The following MPDZ variants were observed in gnomAD, a reference collection of about 807,000 sequenced individuals.
The protein encoded by MPDZ is multiple PDZ domain crumbs cell polarity complex component.
Under a neutral mutation model 239.1 loss-of-function variants are expected in MPDZ, and 234 were observed. The ratio of observed to expected loss-of-function variants is 0.98; its 90% CI spans 0.88 to 1.09. The LOEUF is 1.09. Among genes scored for constraint, MPDZ ranks in the 50% least tolerant of loss-of-function variants. The pLI is 0.00. For missense variants in MPDZ, 3,175 were observed against 2,510.0 expected (o/e 1.26, Z -5.66); for synonymous variants, 1,048 against 881.3 (o/e 1.19, Z -3.35).
At chr9:13,249,415 T>C (rs932553187) in intron 2 of MPDZ, among the ~76,000 whole-genome samples, 2 of 152,166 alleles carry the variant, frequency 1.3e-5, no homozygotes, top group African/African-American at 4.8e-5. Context: ...CATGTGGGTT[T>C]AGTATAAAAT....
intron 41 of MPDZ, among the ~76,000 whole-genome samples, chr9:13,113,389 TA>T (rs1162743235): frequency 6.6e-6 from 1 of 152,230 alleles, no homozygotes; most frequent in East Asian, 1.9e-4. Flanking sequence ...ATGGATGCAT[TA>T]AAAAAATTCA....
chr9:13,249,959 T>C (rs1386413985), intron 2 of MPDZ, among the ~76,000 whole-genome samples: 1 of 152,208 alleles, frequency 6.6e-6, no homozygotes, highest in Non-Finnish European at 1.5e-5. Flanking sequence ...GTATTAAAAA[T>C]ACTGCTAAAC....
chr9:13,164,026 G>T (rs1440718239), intron 22 of MPDZ, among the ~76,000 whole-genome samples: 1 of 152,104 alleles, frequency 6.6e-6, no homozygotes, highest in East Asian at 1.9e-4. Context: ...CCACAAAAAG[G>T]ATGTCACTTT....
intron 22 of MPDZ, among the ~76,000 whole-genome samples, chr9:13,164,229 C>A (rs920822230): frequency 1.3e-5 from 2 of 152,288 alleles, no homozygotes; most frequent in African/African-American, 4.8e-5. Context: ...ACTAGGCTAG[C>A]TGAAAAAGTT....
At chr9:13,226,768 T>C (rs192976636) in intron 3 of MPDZ, among the ~76,000 whole-genome samples, 23 of 152,250 alleles carry the variant, frequency 1.5e-4, no homozygotes. Context: ...CCAGTGGAAA[T>C]TTTTGACTAT....
At chr9:13,141,097 GA>G (rs57261600) in intron 27 of MPDZ, among the ~76,000 whole-genome samples, 62,391 of 129,894 alleles carry the variant, frequency 0.48, 15,568 homozygotes, top group African/African-American at 0.73. Context: ...GTCCTATTTC[GA>G]AAAAAAAAAA....
chr9:13,216,573 G>A (rs1460586670), intron 10 of MPDZ, among the ~76,000 whole-genome samples: 2 of 151,898 alleles, frequency 1.3e-5, no homozygotes, highest in African/African-American at 4.8e-5. Flanking sequence ...GTTTGGAACT[G>A]AGATGAGTAA....
At chr9:13,209,350 A>C (rs1276633326) in intron 10 of MPDZ, among the ~76,000 whole-genome samples, 1 of 152,172 alleles carries the variant, frequency 6.6e-6, no homozygotes, top group Non-Finnish European at 1.5e-5. Flanking sequence ...AAACAAAAAC[A>C]GGCAAAATCC....
At chr9:13,207,503 T>C (rs1957135556) in intron 10 of MPDZ, among the ~76,000 whole-genome samples, 1 of 152,218 alleles carries the variant, frequency 6.6e-6, no homozygotes, top group Non-Finnish European at 1.5e-5. Context: ...TACCTCAGCC[T>C]GGACTCTCTG....
intron 19 of MPDZ, among the ~76,000 whole-genome samples, chr9:13,181,225 T>C (rs1049242080): frequency 6.6e-6 from 1 of 152,172 alleles, no homozygotes. Flanking sequence ...TCTTTGTTTT[T>C]CTTAAAAATC....
Position 13,125,448 on chromosome 9 carries a change from C to A in MPDZ, c.4633-58G>T, listed in dbSNP as rs1944975425. On this transcript the variant is annotated intron_variant, in intron 34 of 46. Transcript: ENST00000319217. ...ATTCAAAGCTGAATTAGTAGACATACCAATGAGTCACCATTATCAATGGAA... is the reference window on the plus strand; with the variant it reads ...ATTCAAAGCTGAATTAGTAGACATAACAATGAGTCACCATTATCAATGGAA... 7.6e-6 allele frequency: 11 copies of A among 1,452,606 alleles called. No homozygotes were observed. In the South Asian group the frequency reaches 1.2e-4, roughly 16 times the overall value. 90.0% of individuals were successfully genotyped at this position (1,452,606 alleles called of 1,614,324 possible).
intron 32 of MPDZ, among the ~76,000 whole-genome samples, chr9:13,129,348 A>T (rs957225583): frequency 5.3e-5 from 8 of 151,732 alleles, no homozygotes; most frequent in Admixed American, 2.0e-4. Context: ...CTGTAATCCC[A>T]GCTACTCGGG....
chr9:13,236,249 G>GTGTATATATATATATATATA (rs1329605248), intron 3 of MPDZ, among the ~76,000 whole-genome samples: 1 of 35,850 alleles, frequency 2.8e-5, no homozygotes, highest in African/African-American at 1.2e-4. Flanking sequence ...GTGTGTGTGT[G>GTGTATATATATATATATATA]TATATATATA....
intron 5 of MPDZ, among the ~76,000 whole-genome samples, chr9:13,222,986 TCA>T (rs1421761787): frequency 2.0e-5 from 3 of 152,052 alleles, no homozygotes; most frequent in Non-Finnish European, 4.4e-5. Context: ...AATAAAAAAA[TCA>T]CACAAATTTT....
intron 19 of MPDZ, among the ~76,000 whole-genome samples, chr9:13,182,339 A>C (rs1231968081): frequency 6.6e-6 from 1 of 152,136 alleles, no homozygotes; most frequent in Non-Finnish European, 1.5e-5. Context: ...TAATAGATAT[A>C]AACATTCTGC....
intron 32 of MPDZ, among the ~76,000 whole-genome samples, chr9:13,132,009 T>C (rs1946067308): frequency 6.6e-6 from 1 of 152,236 alleles, no homozygotes; most frequent in Admixed American, 6.5e-5. Flanking sequence ...TTACTTACTT[T>C]GGCTTTCATC....
intron 3 of MPDZ, among the ~76,000 whole-genome samples, chr9:13,236,885 C>T (rs1365735869): frequency 6.6e-6 from 1 of 151,728 alleles, no homozygotes; most frequent in Non-Finnish European, 1.5e-5. Flanking sequence ...CACCGAGATC[C>T]TAATTTCAAA....
At chr9:13,173,481 T>C (rs374429073) in intron 21 of MPDZ, among the ~76,000 whole-genome samples, 12 of 151,954 alleles carry the variant, frequency 7.9e-5, no homozygotes, top group African/African-American at 2.4e-4. Context: ...GATGGGTGGA[T>C]TGCCTGAGCT....
intron 35 of MPDZ, 26 bp from the exon 36 acceptor site, chr9:13,123,324 C>G (rs1487566576): frequency 2.6e-6 from 4 of 1,565,586 alleles, no homozygotes; most frequent in Admixed American, 1.9e-5. Flanking sequence ...AAATGAAATA[C>G]AAATAAAAAT....
Sources: gnomAD v4.1 joint callset for allele counts (sites outside exome capture counted in the v4.1 genomes callset) on GRCh38, gnomAD v4.1.1 for gene constraint, MANE v1.5 for transcripts, NCBI Gene and HGNC (gene_info 2026-07-23, HGNC 2026-07-21) for gene names.